Variants in TNRC6A observed in about 807,000 individuals in gnomAD.
TNRC6A encodes the protein trinucleotide repeat containing adaptor 6A, also known as trinucleotide repeat-containing gene 6A protein.
Under a neutral mutation model 221.2 loss-of-function variants are expected in TNRC6A, and 44 were observed. The observed-to-expected ratio is 0.20, with a 90% confidence interval of 0.16 to 0.26. TNRC6A has a LOEUF of 0.26. Among genes scored for constraint, TNRC6A ranks in the 10% least tolerant of loss-of-function variants. TNRC6A has a pLI of 1.00. For synonymous variants in TNRC6A, 847 were observed against 838.5 expected (o/e 1.01, Z -0.18); for missense variants, 2,199 against 2,404.4 (o/e 0.91, Z 1.79).
At chr16:24,687,914 CTTTT>C (rs2055670505) in intron 2 of TNRC6A, among the ~76,000 whole-genome samples, 3 of 67,322 alleles carry the variant, frequency 4.5e-5, no homozygotes, top group African/African-American at 3.6e-4. Flanking sequence ...GGACATGCTT[CTTTT>C]CTTTTCTTTT....
At chr16:24,634,861 A>G (rs1447907785) in intron 1 of TNRC6A, among the ~76,000 whole-genome samples, 2 of 152,214 alleles carry the variant, frequency 1.3e-5, no homozygotes, top group African/African-American at 2.4e-5. Context: ...GTCTTGCCCT[A>G]GAATTTAATG....
At chr16:24,623,186 T>TTATTTAC (rs1567305049) in intron 1 of TNRC6A, among the ~76,000 whole-genome samples, 9 of 129,008 alleles carry the variant, frequency 7.0e-5, no homozygotes, top group African/African-American at 3.1e-4. Context: ...TATTTATTTA[T>TTATTTAC]TTATTTACTT....
intron 2 of TNRC6A, among the ~76,000 whole-genome samples, chr16:24,657,840 C>A (rs939164113): frequency 6.7e-6 from 1 of 148,178 alleles, no homozygotes; most frequent in African/African-American, 2.5e-5. Context: ...TTTTATGCCA[C>A]TTTTTTTTTT....
At chr16:24,729,379 AG>A, upstream of TNRC6A, among the ~76,000 whole-genome samples, 1 of 145,038 alleles carries the variant, frequency 6.9e-6, no homozygotes, top group East Asian at 2.1e-4. Flanking sequence ...GTCGCAGCAA[AG>A]AAGGAGGAGG....
intron 2 of TNRC6A, among the ~76,000 whole-genome samples, chr16:24,717,031 T>G (rs2056327633): frequency 1.3e-5 from 2 of 151,394 alleles, no homozygotes; most frequent in South Asian, 4.2e-4. Flanking sequence ...AATGAATACA[T>G]TTATTTCTGT....
chr16:24,755,940 C>A, intron 3 of TNRC6A, among the ~76,000 whole-genome samples: 1 of 152,064 alleles, frequency 6.6e-6, no homozygotes, highest in South Asian at 2.1e-4. Flanking sequence ...CAAAAAAAAT[C>A]TTTCACATTT....
At chr16:24,656,415 C>G (rs2054914035) in intron 2 of TNRC6A, among the ~76,000 whole-genome samples, 1 of 139,196 alleles carries the variant, frequency 7.2e-6, no homozygotes, top group South Asian at 2.2e-4. Flanking sequence ...TGCAGTGAGC[C>G]AAGATCGTGC....
intron 2 of TNRC6A, among the ~76,000 whole-genome samples, chr16:24,717,386 G>A (rs545791524): frequency 2.0e-5 from 3 of 152,306 alleles, no homozygotes; most frequent in Admixed American, 6.5e-5. Flanking sequence ...TTCATAGACT[G>A]AGAGCAAAGG....
intron 2 of TNRC6A, among the ~76,000 whole-genome samples, chr16:24,718,060 G>A (rs919048603): frequency 7.9e-5 from 12 of 152,136 alleles, no homozygotes; most frequent in African/African-American, 2.7e-4. Flanking sequence ...CTACAGGCAT[G>A]TGCCCCCACG....
At chr16:24,758,310 T>A in intron 3 of TNRC6A, 29 bp from the exon 4 acceptor site, 1 of 1,594,604 alleles carries the variant, frequency 6.3e-7, no homozygotes, top group South Asian at 1.1e-5. Flanking sequence ...ATATTTACAT[T>A]GTTTTTTGTT....
At chr16:24,797,995 C>T (rs767724866) in intron 11 of TNRC6A, 29 bp downstream of exon 11, 2 of 1,587,242 alleles carry the variant, frequency 1.3e-6, no homozygotes, top group East Asian at 4.5e-5. Context: ...TGTTTATATT[C>T]CTCATTGAGG....
chr16:24,729,086 C>T (rs1323038816), upstream of TNRC6A, among the ~76,000 whole-genome samples: 1 of 151,930 alleles, frequency 6.6e-6, no homozygotes, highest in Admixed American at 6.6e-5. Flanking sequence ...GCAGAAAATC[C>T]GTGCAGGCGG....
chr16:24,652,596 A>G (rs1232412826), intron 2 of TNRC6A, among the ~76,000 whole-genome samples: 1 of 152,204 alleles, frequency 6.6e-6, no homozygotes, highest in Admixed American at 6.5e-5. Flanking sequence ...CCTTGTTTTC[A>G]TAATCACTGT....
At chr16:24,615,476 C>T (rs1049516637) in intron 1 of TNRC6A, among the ~76,000 whole-genome samples, 1 of 152,100 alleles carries the variant, frequency 6.6e-6, no homozygotes, top group Non-Finnish European at 1.5e-5. Context: ...AGAAGTGAGA[C>T]TAGAACTCCA....
At chr16:24,696,155 T>G (rs1287884290) in intron 2 of TNRC6A, among the ~76,000 whole-genome samples, 3 of 151,938 alleles carry the variant, frequency 2.0e-5, no homozygotes, top group Non-Finnish European at 4.4e-5. Context: ...AAGACCATCC[T>G]GGCTAACACG....
intron 2 of TNRC6A, among the ~76,000 whole-genome samples, chr16:24,646,837 A>G (rs1902317890): frequency 1.3e-5 from 2 of 152,200 alleles, no homozygotes; most frequent in South Asian, 4.1e-4. Flanking sequence ...ATTTGAATCC[A>G]TTTAGCTTTA....
intron 2 of TNRC6A, chr16:24,663,912 G>T (rs991853841): frequency 2.0e-5 from 9 of 456,548 alleles, no homozygotes; most frequent in African/African-American, 1.0e-4. Context: ...AATATTTTAA[G>T]CCGTTAGCAG....
chr16:24,776,769 TCTC>T (rs1403322637), intron 4 of TNRC6A, 161 bp from the exon 5 acceptor site: 4 of 985,274 alleles, frequency 4.1e-6, no homozygotes, highest in Admixed American at 1.2e-4. Context: ...GGCAGTGACA[TCTC>T]CTAACAAAAT....
chr16:24,613,272 G>A (rs35433890), intron 1 of TNRC6A, among the ~76,000 whole-genome samples: 14,090 of 151,574 alleles, frequency 0.093, 844 homozygotes, highest in Non-Finnish European at 0.13. Context: ...CAACCAGGTG[G>A]CGTGTGTGAA....
Sources: allele counts gnomAD v4.1 joint callset (sites outside exome capture counted in the v4.1 genomes callset), GRCh38; gene constraint gnomAD v4.1.1; transcripts MANE v1.5; gene names NCBI Gene and HGNC (gene_info 2026-07-23, HGNC 2026-07-21).